ARSG: variants seen among roughly 807,000 people sequenced by gnomAD.
ARSG encodes arylsulfatase G.
Under a neutral mutation model 50.5 loss-of-function variants are expected in ARSG, and 37 were observed. That is an observed-to-expected ratio of 0.73 (90% CI 0.56 to 0.96). The LOEUF (loss-of-function observed/expected upper bound fraction) is 0.96, where lower values mean the gene tolerates loss of function less well. Among genes scored for constraint, ARSG ranks in the 50% least tolerant of loss-of-function variants. The pLI is 0.00. For synonymous variants in ARSG, 225 were observed against 254.6 expected (o/e 0.88, Z 1.11); for missense variants, 629 against 675.3 (o/e 0.93, Z 0.76).
the ARSG span, chr17:68,451,002 C>T: frequency 7.0e-6 from 10 of 1,422,932 alleles, no homozygotes; most frequent in South Asian, 1.5e-5. Context: ...CAAAGGTTCT[C>T]CGGGTCTTGC....
At chr17:68,384,510 G>C (rs1358678501) in intron 8 of ARSG, among the ~76,000 whole-genome samples, 1 of 152,104 alleles carries the variant, frequency 6.6e-6, no homozygotes, top group Non-Finnish European at 1.5e-5. Context: ...ATGAATTCAA[G>C]GAAAAACAAA....
chr17:68,358,255 A>G (rs981062096), intron 6 of ARSG, among the ~76,000 whole-genome samples: 1 of 151,932 alleles, frequency 6.6e-6, no homozygotes. Flanking sequence ...TAAGAAAAAC[A>G]AAGAAGTGGG....
At chr17:68,385,030 A>G (rs367656791) in intron 8 of ARSG, 34 bp from the exon 9 acceptor site, 336 of 1,572,836 alleles carry the variant, frequency 2.1e-4, no homozygotes, top group Non-Finnish European at 2.7e-4. Flanking sequence ...AGTTATCACC[A>G]TGGATGAACC....
chr17:68,271,620 T>C lies in ARSG; in HGVS notation c.-552+12194T>C. 6.2e-7 allele frequency: 1 copy of C among 1,613,710 alleles called. No homozygotes were observed. Among genetic ancestry groups the C allele is most frequent in the Non-Finnish European group, 8.5e-7 (1 of 1,179,590 alleles). On this transcript the variant is annotated intron_variant, in intron 1 of 11. Transcript: ENST00000448504. The surrounding 1 kb of genome is among the most constrained non-coding windows in gnomAD (Gnocchi z 5.3). ...GTAGGCCCACGAAGAGGAGGCTGTA[T>C]CTCCAGCCAATGCGCTCCTTCAGAG... is the stretch of plus-strand genomic sequence containing the variant.
chr17:68,380,971 C>T (rs996772307), intron 8 of ARSG, among the ~76,000 whole-genome samples: 1 of 152,114 alleles, frequency 6.6e-6, no homozygotes, highest in Non-Finnish European at 1.5e-5. Flanking sequence ...TTTCAAACCA[C>T]TGACATCAGA....
intron 2 of ARSG, among the ~76,000 whole-genome samples, chr17:68,321,589 A>T (rs2077285036): frequency 6.6e-6 from 1 of 152,150 alleles, no homozygotes; most frequent in African/African-American, 2.4e-5. Flanking sequence ...ATCTATTTTA[A>T]ATTCCTTGTA....
At chr17:68,426,251 G>GGGGGGGGGGGGGT, downstream of ARSG, 10 of 825,458 alleles carry the variant, frequency 1.2e-5, 3 homozygotes, top group Non-Finnish European at 1.3e-5. Flanking sequence ...GTGGGGAGCG[G>GGGGGGGGGGGGGT]GGGCTCAAAT....
At chr17:68,387,650 G>A (rs2080793333) in intron 9 of ARSG, among the ~76,000 whole-genome samples, 1 of 152,188 alleles carries the variant, frequency 6.6e-6, no homozygotes, top group African/African-American at 2.4e-5. Context: ...AGACATTGAT[G>A]CTAATGCTTC....
At chr17:68,318,754 T>C (rs781967652) in intron 2 of ARSG, among the ~76,000 whole-genome samples, 2 of 152,222 alleles carry the variant, frequency 1.3e-5, no homozygotes, top group African/African-American at 2.4e-5. Context: ...GTCAAGTCAA[T>C]GCTGCTGCTG....
At chr17:68,321,085 G>A (rs1024826123) in intron 2 of ARSG, among the ~76,000 whole-genome samples, 3 of 152,004 alleles carry the variant, frequency 2.0e-5, no homozygotes, top group African/African-American at 4.8e-5. Flanking sequence ...CAGGAGGATC[G>A]CTTGAGCCCA....
At chr17:68,296,731 T>C (rs1374861928) in intron 1 of ARSG, among the ~76,000 whole-genome samples, 1 of 152,168 alleles carries the variant, frequency 6.6e-6, no homozygotes, top group Non-Finnish European at 1.5e-5. Context: ...TGACAACTGC[T>C]GTTGTCTCCC....
intron 1 of ARSG, among the ~76,000 whole-genome samples, chr17:68,281,296 C>T (rs1265529800): frequency 2.0e-5 from 3 of 151,984 alleles, no homozygotes; most frequent in African/African-American, 4.8e-5. Context: ...AGGCTGGTGG[C>T]GGTGGCTCAC....
chr17:68,331,148 C>G (rs2077722940), intron 2 of ARSG, among the ~76,000 whole-genome samples: 1 of 151,222 alleles, frequency 6.6e-6, no homozygotes, highest in Non-Finnish European at 1.5e-5. Context: ...CCACATCCAG[C>G]TAATTTTTTG....
At position 68,271,384 on chromosome 17, in the gene ARSG, A is replaced by C. The variant is rs1599494069; in HGVS notation, c.-552+11958A>C. Reference sequence around the variant, plus strand: ...CTGCTGCATGTCGGCCTTCGGCTCCAGTTCCAGGTTAGTGTGAGTAGGCAC... The same window carrying C: ...CTGCTGCATGTCGGCCTTCGGCTCCCGTTCCAGGTTAGTGTGAGTAGGCAC... On this transcript the variant is annotated intron_variant, in intron 1 of 11. Coordinates refer to the ARSG transcript ENST00000448504. The surrounding 1 kb of genome is among the most constrained non-coding windows in gnomAD (Gnocchi z 5.3). 1 of 1,614,246 alleles carries C rather than the reference A, an allele frequency of 6.2e-7. No homozygotes were observed. Among genetic ancestry groups the C allele is most frequent in the Non-Finnish European group, 8.5e-7 (1 of 1,180,046 alleles).
intron 8 of ARSG, among the ~76,000 whole-genome samples, chr17:68,376,318 C>G (rs1028398669): frequency 7.0e-6 from 1 of 141,976 alleles, no homozygotes; most frequent in Non-Finnish European, 1.5e-5. Context: ...GCTCTGTTGC[C>G]CAGGCTGGAG....
At chr17:68,351,085 A>G (rs1156553718) in intron 4 of ARSG, among the ~76,000 whole-genome samples, 1 of 151,946 alleles carries the variant, frequency 6.6e-6, no homozygotes, top group Non-Finnish European at 1.5e-5. Flanking sequence ...TGGCTCACCT[A>G]TTCATCTCTT....
chr17:68,339,271 C>T (rs2078164464), intron 2 of ARSG, among the ~76,000 whole-genome samples: 1 of 151,788 alleles, frequency 6.6e-6, no homozygotes, highest in African/African-American at 2.4e-5. Context: ...GCACTCCAGC[C>T]TGGGCGACAG....
chr17:68,372,043 G>A (rs8068710), intron 8 of ARSG, among the ~76,000 whole-genome samples: 9,069 of 152,180 alleles, frequency 0.06, 564 homozygotes, highest in African/African-American at 0.16. Context: ...CAATAAACTG[G>A]TATTGTTTGT....
upstream of ARSG, among the ~76,000 whole-genome samples, chr17:68,288,157 C>T (rs527848452): frequency 7.3e-5 from 11 of 150,636 alleles, no homozygotes; most frequent in African/African-American, 2.2e-4. Context: ...CCACCACGCC[C>T]GGCTGATTTT....
Sources: allele counts gnomAD v4.1 joint callset (sites outside exome capture counted in the v4.1 genomes callset), GRCh38; gene constraint gnomAD v4.1.1; non-coding constraint Gnocchi (gnomAD v3.1); transcripts MANE v1.5; gene names NCBI Gene and HGNC (gene_info 2026-07-23, HGNC 2026-07-21).